The following HGSNAT variants were observed in gnomAD, a reference collection of about 807,000 sequenced individuals.
The protein encoded by HGSNAT is heparan-alpha-glucosaminide N-acetyltransferase.
HGSNAT carries 59 observed loss-of-function variants against 85.2 expected under a neutral mutation model. The observed-to-expected ratio is 0.69, with a 90% CI of 0.56 to 0.86. The LOEUF is 0.86. HGSNAT is among the 40% of genes least tolerant of loss of function. The probability of loss-of-function intolerance (pLI) is 0.00; values close to 1 mark genes in which losing one functional copy is unlikely to be tolerated. For synonymous variants in HGSNAT, 321 were observed against 304.5 expected (o/e 1.05, Z -0.56); for missense variants, 756 against 777.1 (o/e 0.97, Z 0.32).
intron 1 of HGSNAT, among the ~76,000 whole-genome samples, chr8:43,145,977 C>T (rs963457242): frequency 6.6e-6 from 1 of 152,074 alleles, no homozygotes; most frequent in Non-Finnish European, 1.5e-5. Flanking sequence ...ATATAAATGG[C>T]CCAGTTGGTT....
rs1199475343 is a variant in HGSNAT at position 43,202,047 on chromosome 8, T to C, written c.*2478T>C. The C allele has an allele frequency of 2.6e-5, 4 of 152,710 alleles. No homozygotes were observed. Among genetic ancestry groups the C allele is most frequent in the Non-Finnish European group, 1.5e-5 (1 of 68,112 alleles). 9.5% of individuals were successfully genotyped at this position (152,710 alleles called of 1,614,324 possible). ...TCTCCAGGTGAGTTTTCTAGAAGCA[T>C]TTCTCAAACTGTGGGTTACATCAAC... On this transcript the variant is annotated 3_prime_UTR_variant, in exon 18 of 18. Transcript: ENST00000379644.
intron 5 of HGSNAT, among the ~76,000 whole-genome samples, chr8:43,165,847 A>T (rs968018801): frequency 6.6e-6 from 1 of 152,190 alleles, no homozygotes. Flanking sequence ...GAGGCAGGAG[A>T]ATTGCTTGAA....
chr8:43,191,361 T>G (rs1387295618), intron 11 of HGSNAT, 113 bp from the exon 12 acceptor site: 6 of 1,314,254 alleles, frequency 4.6e-6, no homozygotes, highest in Non-Finnish European at 6.3e-6. Flanking sequence ...GTTTTTGTAT[T>G]ACTGCCAAAA....
chr8:43,143,593 A>C (rs986214724), intron 1 of HGSNAT, among the ~76,000 whole-genome samples: 2 of 150,372 alleles, frequency 1.3e-5, no homozygotes, highest in African/African-American at 4.9e-5. Context: ...GCTGGAGTGC[A>C]GTGGTGCGAA....
At position 43,170,703 on chromosome 8, in the gene HGSNAT, G is replaced by A; in HGVS notation, c.743+9G>A. On this transcript the variant is annotated intron_variant, in intron 7 of 17. Coordinates refer to ENST00000379644, the MANE Select transcript of HGSNAT (RefSeq NM_152419.3). ...GTGGACACCTTCAGGGGGTATGTGG[G>A]CCTCCCTGTAGCACAGTGGGTGCAG... 6.4e-7 allele frequency: 1 copy of A among 1,572,016 alleles called. No individual in the cohort carries two copies. Among genetic ancestry groups the A allele is most frequent in the South Asian group, 1.1e-5 (1 of 87,124 alleles).
intron 11 of HGSNAT, among the ~76,000 whole-genome samples, chr8:43,187,090 A>G (rs1015793469): frequency 2.0e-4 from 31 of 152,310 alleles, no homozygotes; most frequent in African/African-American, 6.7e-4. Context: ...AATAAGTGCA[A>G]TGTGGTGCTG....
Position 43,159,034 on chromosome 8 carries a change from T to C in HGSNAT, c.483T>C (p.Asp161=), listed in dbSNP as rs1803185540. The C allele has an allele frequency of 1.1e-5, 18 of 1,613,756 alleles. No homozygotes were observed. The highest frequency in any genetic ancestry group is 1.5e-5 in the Non-Finnish European group (18 of 1,179,794). ...CDLAVNEDPV[D]SNLPVSIAFL... is the part of the protein sequence containing the mutation. Reference sequence around the variant, plus strand: ...TGGCTGTGAACGAGGATCCAGTTGATAGTAACCTTCGTACGTATATGTTCT... The same window carrying C: ...TGGCTGTGAACGAGGATCCAGTTGACAGTAACCTTCGTACGTATATGTTCT... The change falls in exon 4 of 18, where the codon GAT becomes GAC. Residue 161 remains aspartate, a synonymous_variant. Transcript: ENST00000379644.
chr8:43,150,759 G>A (rs190508559), intron 2 of HGSNAT, among the ~76,000 whole-genome samples: 6 of 152,120 alleles, frequency 3.9e-5, no homozygotes, highest in East Asian at 1.9e-4. Flanking sequence ...GCGTGAACCC[G>A]GGAGGCGGAG....
At chr8:43,147,482 A>G (rs1468133208) in intron 2 of HGSNAT, among the ~76,000 whole-genome samples, 1 of 152,176 alleles carries the variant, frequency 6.6e-6, no homozygotes, top group Non-Finnish European at 1.5e-5. Flanking sequence ...ATTTTCTCTG[A>G]AGGTTTTACT....
At chr8:43,153,921 T>C (rs1394414352) in intron 2 of HGSNAT, among the ~76,000 whole-genome samples, 2 of 152,236 alleles carry the variant, frequency 1.3e-5, no homozygotes, top group African/African-American at 4.8e-5. Flanking sequence ...GTGAATATAT[T>C]GCACATTTCT....
chr8:43,145,025 G>A (rs1013188463), intron 1 of HGSNAT, among the ~76,000 whole-genome samples: 1 of 152,176 alleles, frequency 6.6e-6, no homozygotes, highest in African/African-American at 2.4e-5. Context: ...TTTCAGAGGT[G>A]GAGACTGTGT....
At chr8:43,185,271 A>G (rs1380562663) in intron 11 of HGSNAT, among the ~76,000 whole-genome samples, 1 of 152,220 alleles carries the variant, frequency 6.6e-6, no homozygotes, top group Non-Finnish European at 1.5e-5. Flanking sequence ...ATCCATAAGC[A>G]TGGAATGTTC....
chr8:43,151,340 T>G (rs1248364811), intron 2 of HGSNAT, among the ~76,000 whole-genome samples: 2 of 152,206 alleles, frequency 1.3e-5, no homozygotes, highest in African/African-American at 4.8e-5. Context: ...TTCTCTCTGC[T>G]TCTCTTCCCC....
intron 2 of HGSNAT, among the ~76,000 whole-genome samples, chr8:43,158,218 C>T (rs1803154369): frequency 2.0e-5 from 3 of 152,184 alleles, no homozygotes; most frequent in Non-Finnish European, 2.9e-5. Flanking sequence ...CCTGCCTCAG[C>T]CTCCCAAGTA....
chr8:43,168,616 C>T (rs910685995), intron 5 of HGSNAT, among the ~76,000 whole-genome samples: 10 of 151,800 alleles, frequency 6.6e-5, no homozygotes, highest in South Asian at 2.1e-4. Context: ...AGGCTGGTCT[C>T]GAACTCCTGA....
At chr8:43,164,785 A>T (rs182120848) in intron 5 of HGSNAT, among the ~76,000 whole-genome samples, 188 of 152,276 alleles carry the variant, frequency 1.2e-3, no homozygotes, top group African/African-American at 4.4e-3. Context: ...CCATCTCAAA[A>T]AATAAAAAAT....
chr8:43,165,391 A>G (rs557812631), intron 5 of HGSNAT, among the ~76,000 whole-genome samples: 1 of 152,136 alleles, frequency 6.6e-6, no homozygotes, highest in African/African-American at 2.4e-5. Context: ...GGGCTTCTCT[A>G]TCCTTTCAGA....
At chr8:43,188,974 T>C (rs949084823) in intron 11 of HGSNAT, among the ~76,000 whole-genome samples, 2 of 152,206 alleles carry the variant, frequency 1.3e-5, no homozygotes, top group African/African-American at 4.8e-5. Flanking sequence ...CAAATGTTGC[T>C]GCCTGATCCT....
chr8:43,151,418 G>A (rs1004224144), intron 2 of HGSNAT, among the ~76,000 whole-genome samples: 2 of 152,230 alleles, frequency 1.3e-5, no homozygotes, highest in Non-Finnish European at 2.9e-5. Flanking sequence ...CTGAGTGTCT[G>A]TAAGCTGAAG....
Sources: allele counts gnomAD v4.1 joint callset (sites outside exome capture counted in the v4.1 genomes callset), GRCh38; gene constraint gnomAD v4.1.1; transcripts MANE v1.5; gene names NCBI Gene and HGNC (gene_info 2026-07-23, HGNC 2026-07-21).